PDIA4: variants seen among roughly 807,000 people sequenced by gnomAD.
The protein encoded by PDIA4 is protein disulfide-isomerase A4.
A neutral mutation model predicts 62.1 loss-of-function variants in PDIA4; 33 were observed. The observed-to-expected ratio is 0.53, with a 90% confidence interval of 0.40 to 0.71. The LOEUF is 0.71. PDIA4 is among the 30% of genes least tolerant of loss of function. The pLI is 0.00. For synonymous variants in PDIA4, 341 were observed against 324.1 expected (o/e 1.05, Z -0.56); for missense variants, 804 against 813.6 (o/e 0.99, Z 0.14).
chr7:149,019,334 T>C, intron 2 of PDIA4, 137 bp from the exon 3 acceptor site: 3 of 678,358 alleles, frequency 4.4e-6, no homozygotes. Context: ...AGTGTGGCAG[T>C]GTTGGGAGAT....
In PDIA4 at chr7:149,012,191, T is replaced by C; in HGVS notation, c.784A>G (p.Arg262Gly). The change falls in exon 5 of 10, where the codon AGG becomes GGG. Residue 262 changes from arginine to glycine, a missense_variant. Transcript: ENST00000652332. ...CGTGGGCCGTTGTAGTCATAAGGCC[T>C]TCCTTTGCGGAAAATTTTCAGGGTG... Reference protein sequence around the residue: ...YPTLKIFRKGRPYDYNGPREK... With the variant: ...YPTLKIFRKGGPYDYNGPREK... 6.2e-7 allele frequency: 1 copy of C among 1,614,154 alleles called. No homozygotes were observed. Among genetic ancestry groups the C allele is most frequent in the Non-Finnish European group, 8.5e-7 (1 of 1,180,034 alleles).
intron 2 of PDIA4, 38 bp from the exon 3 acceptor site, chr7:149,019,235 G>C (rs754156590): frequency 7.3e-7 from 1 of 1,374,668 alleles, no homozygotes; most frequent in African/African-American, 1.4e-5. Flanking sequence ...AACGTTAACT[G>C]TACCTATGGG....
intron 2 of PDIA4, among the ~76,000 whole-genome samples, chr7:149,020,566 G>A (rs1388753506): frequency 6.6e-6 from 1 of 152,224 alleles, no homozygotes; most frequent in Non-Finnish European, 1.5e-5. Context: ...ACTTGGGGCA[G>A]CTGCCTGAGC....
At chr7:149,007,464 T>C (rs987459181) in intron 7 of PDIA4, among the ~76,000 whole-genome samples, 10 of 152,056 alleles carry the variant, frequency 6.6e-5, no homozygotes, top group Non-Finnish European at 1.3e-4. Flanking sequence ...AGAGCTCACT[T>C]CTCTGCAGCC....
chr7:149,004,006 T>A lies in PDIA4; in HGVS notation c.1726A>T (p.Lys576Ter). ...NSLAKKYKGQ[K>*]GLVIAKMDAT... ...TCCATCTTGGCGATGACCAGGCCCT[T>A]TTGGCCCTTGTACTTCTTGGCCAGG... The change falls in exon 10 of 10, where the codon AAG becomes TAG. Residue 576 changes from lysine (K) to a stop codon, truncating the protein, a stop_gained. Transcript: ENST00000652332. LOFTEE classifies it high-confidence loss of function. 1 of 1,614,184 alleles carries A rather than the reference T, an allele frequency of 6.2e-7. No homozygotes were observed. Among genetic ancestry groups the A allele is most frequent in the Non-Finnish European group, 8.5e-7 (1 of 1,180,004 alleles).
chr7:149,018,784 G>C (rs1230048023), intron 3 of PDIA4, among the ~76,000 whole-genome samples: 3 of 151,650 alleles, frequency 2.0e-5, no homozygotes, highest in African/African-American at 4.8e-5. Context: ...GAAATGTAAA[G>C]ATGCCACGCC....
intron 9 of PDIA4, among the ~76,000 whole-genome samples, chr7:149,004,852 C>T (rs1056803896): frequency 2.0e-5 from 3 of 152,200 alleles, no homozygotes; most frequent in African/African-American, 7.2e-5. Flanking sequence ...AGATGGACTC[C>T]GAATCTTGCT....
intron 1 of PDIA4, chr7:149,027,821 T>C (rs1219768670): frequency 2.1e-6 from 1 of 471,378 alleles, no homozygotes; most frequent in South Asian, 1.5e-5. Context: ...CCAGAATCTA[T>C]GGATTAATCA....
At position 149,005,304 on chromosome 7, in the gene PDIA4, C is replaced by T. The variant is rs1323518481; in HGVS notation, c.1359G>A (p.Ala453=). 10 of 1,614,130 alleles carry T rather than the reference C, an allele frequency of 6.2e-6. No individual in the cohort carries two copies. Among genetic ancestry groups the T allele is most frequent in the Admixed American group, 1.7e-5 (1 of 60,018 alleles). The change falls in exon 9 of 10, where the codon GCG becomes GCA. Residue 453 remains alanine (A), a synonymous_variant. Coordinates refer to ENST00000652332, the MANE Select transcript of PDIA4 (RefSeq NM_004911.5). ...KDFPEYTFAI[A]DEEDYAGEVK... The stretch of plus-strand genomic sequence containing the variant: ...CCTCCCCAGCATAGTCCTCTTCGTC[C>T]GCAATGGCAAAGGTGTACTCAGGGA...
chr7:149,006,190 A>G, intron 7 of PDIA4, 137 bp from the exon 8 acceptor site: 1 of 775,380 alleles, frequency 1.3e-6, no homozygotes. Context: ...CCAGGGCTCG[A>G]CCCCACTCAA....
intron 3 of PDIA4, among the ~76,000 whole-genome samples, chr7:149,015,749 C>G (rs1009237090): frequency 1.3e-5 from 2 of 152,364 alleles, no homozygotes; most frequent in South Asian, 4.1e-4. Flanking sequence ...TCTACAGCCA[C>G]TCCTGCAAAG....
At chr7:149,018,947 CT>C in intron 3 of PDIA4, 44 bp downstream of exon 3, 1 of 1,452,170 alleles carries the variant, frequency 6.9e-7, no homozygotes, top group Non-Finnish European at 9.7e-7. Context: ...TTCCCATTCC[CT>C]GCGGGAAGGA....
intron 7 of PDIA4, among the ~76,000 whole-genome samples, chr7:149,006,621 C>T (rs545782381): frequency 6.6e-6 from 1 of 152,234 alleles, no homozygotes; most frequent in South Asian, 2.1e-4. Context: ...CACTGAAGGA[C>T]AAGAGGGCCC....
intron 3 of PDIA4, among the ~76,000 whole-genome samples, chr7:149,017,411 C>T (rs1962976): frequency 0.65 from 99,048 of 151,934 alleles, 36,037 homozygotes; most frequent in South Asian, 0.82. Flanking sequence ...TGGAGAAACC[C>T]CGTCTCTACT....
chr7:149,008,260 T>G lies in PDIA4; in HGVS notation c.1030A>C (p.Ile344Leu). 2 of 1,614,110 alleles carry G rather than the reference T, an allele frequency of 1.2e-6. No individual in the cohort carries two copies. The highest frequency in any genetic ancestry group is 8.5e-7 in the Non-Finnish European group (1 of 1,179,954). ...YKFHHTFSTE[I>L]AKFLKVSQGQ... ...TGGGAGACTTTCAAGAACTTTGCTA[T>G]TTCTGTGCTGAAAGTGTGGTGAAAT... The change falls in exon 7 of 10, where the codon ATA becomes CTA. Residue 344 changes from isoleucine (I) to leucine (L), a missense_variant. Ile to Leu is a conservative substitution (Grantham distance 5, BLOSUM62 2). Coordinates refer to ENST00000652332, the MANE Select transcript of PDIA4 (RefSeq NM_004911.5).
chr7:149,015,138 T>C, intron 3 of PDIA4, 96 bp from the exon 4 acceptor site: 2 of 1,290,684 alleles, frequency 1.5e-6, no homozygotes, highest in East Asian at 2.4e-5. Flanking sequence ...AGAAAGCAAG[T>C]GTCGGGGCCC....
chr7:149,007,778 A>G (rs1823812451), intron 7 of PDIA4, among the ~76,000 whole-genome samples: 1 of 152,268 alleles, frequency 6.6e-6, no homozygotes, highest in Admixed American at 6.5e-5. Context: ...CTGCCCGAAC[A>G]AACACGACTT....
chr7:149,010,363 C>T (rs1241956548), intron 6 of PDIA4, among the ~76,000 whole-genome samples: 1 of 152,124 alleles, frequency 6.6e-6, no homozygotes, highest in Non-Finnish European at 1.5e-5. Context: ...TGTGGTGGCG[C>T]TCACCTGTAG....
chr7:149,003,262 G>A lies in PDIA4; in HGVS notation c.*532C>T, dbSNP rs1335090206. 1 of 155,592 alleles carries A rather than the reference G, an allele frequency of 6.4e-6. No individual in the cohort carries two copies. Among genetic ancestry groups the A allele is most frequent in the Non-Finnish European group, 1.5e-5 (1 of 68,282 alleles). The allele number at this position is 155,592 out of a possible 1,614,324, so 9.6% of individuals were successfully genotyped here. A position where few individuals can be genotyped will look rare whatever the true frequency, so the allele number is the denominator to read the frequency against. Reference sequence around the variant, plus strand: ...CCTGGATCATGCCCCTTTGCCCCCAGCCCTTGGTTTGCAGGGAGGCCGCCT... The same window carrying A: ...CCTGGATCATGCCCCTTTGCCCCCAACCCTTGGTTTGCAGGGAGGCCGCCT... On this transcript the variant is annotated 3_prime_UTR_variant, in exon 10 of 10. Transcript: ENST00000652332.
Sources: allele counts gnomAD v4.1 joint callset (sites outside exome capture counted in the v4.1 genomes callset), GRCh38; gene constraint gnomAD v4.1.1; transcripts MANE v1.5; gene names NCBI Gene and HGNC (gene_info 2026-07-23, HGNC 2026-07-21).